The following ARHGAP42 variants were observed in gnomAD, a reference collection of about 807,000 sequenced individuals.
ARHGAP42 encodes Rho GTPase activating protein 42.
In ARHGAP42, 63 loss-of-function variants were observed where a neutral mutation model predicts 125.0. The observed-to-expected ratio is 0.50, with a 90% CI of 0.41 to 0.62. ARHGAP42 has a LOEUF of 0.62. ARHGAP42 is among the 20% of genes least tolerant of loss of function. ARHGAP42 has a pLI of 0.00. For synonymous variants in ARHGAP42, 339 were observed against 351.0 expected (o/e 0.97, Z 0.38); for missense variants, 766 against 1,024.2 (o/e 0.75, Z 3.44).
At chr11:100,966,236 G>T (rs1245556574) in intron 17 of ARHGAP42, among the ~76,000 whole-genome samples, 1 of 152,052 alleles carries the variant, frequency 6.6e-6, no homozygotes, top group East Asian at 1.9e-4. Context: ...TAACTTTGCT[G>T]CTAGTTTATT....
Position 100,795,179 on chromosome 11 carries a change from T to C in ARHGAP42, c.312+13T>C, listed in dbSNP as rs1373671339. ...AAGGCGAAGACTGGTAAGTCTGTTCTGTATTTCTTAAGAATATTGCTTTGT... is the reference window on the plus strand; with the variant it reads ...AAGGCGAAGACTGGTAAGTCTGTTCCGTATTTCTTAAGAATATTGCTTTGT... On this transcript the variant is annotated intron_variant, in intron 3 of 23. Coordinates refer to ENST00000298815, the MANE Select transcript of ARHGAP42 (RefSeq NM_152432.4). The C allele has an allele frequency of 4.0e-6, 6 of 1,513,560 alleles. No homozygotes were observed. Among genetic ancestry groups the C allele is most frequent in the Non-Finnish European group, 5.3e-6 (6 of 1,126,190 alleles). 93.8% of individuals were successfully genotyped at this position (1,513,560 alleles called of 1,614,324 possible). A position where few individuals can be genotyped will look rare whatever the true frequency, so the allele number is the denominator to read the frequency against.
chr11:100,853,974 A>G (rs1431608424), intron 3 of ARHGAP42, among the ~76,000 whole-genome samples: 1 of 152,110 alleles, frequency 6.6e-6, no homozygotes, highest in Non-Finnish European at 1.5e-5. Context: ...TTAATGGGCA[A>G]TTAATGCTTT....
chr11:100,837,007 A>T (rs1206602458), intron 3 of ARHGAP42, among the ~76,000 whole-genome samples: 1 of 152,054 alleles, frequency 6.6e-6, no homozygotes, highest in African/African-American at 2.4e-5. Context: ...CAGGTTCAAG[A>T]TTGTAAATTT....
At chr11:100,729,729 G>T (rs542503297) in intron 1 of ARHGAP42, among the ~76,000 whole-genome samples, 109 of 151,824 alleles carry the variant, frequency 7.2e-4, no homozygotes, top group African/African-American at 2.6e-3. Flanking sequence ...GAATATAATA[G>T]AATCTCTTTT....
At chr11:100,811,423 A>T (rs1430907321) in intron 3 of ARHGAP42, among the ~76,000 whole-genome samples, 1 of 152,196 alleles carries the variant, frequency 6.6e-6, no homozygotes, top group Non-Finnish European at 1.5e-5. Context: ...AAATCACGGA[A>T]GTAGAATGTG....
chr11:100,859,492 T>G, intron 3 of ARHGAP42, 62 bp from the exon 4 acceptor site: 2 of 1,412,370 alleles, frequency 1.4e-6, no homozygotes, highest in Non-Finnish European at 9.6e-7. Flanking sequence ...AAGTAGCCAT[T>G]TTTTCAATGT....
intron 1 of ARHGAP42, among the ~76,000 whole-genome samples, chr11:100,714,419 GTGTATT>G (rs1434640472): frequency 2.2e-4 from 31 of 138,754 alleles, no homozygotes; most frequent in Admixed American, 6.5e-4. Context: ...GTGTGTGTGT[GTGTATT>G]TGAGATACTT....
chr11:100,840,123 A>C (rs1429816095), intron 3 of ARHGAP42, among the ~76,000 whole-genome samples: 1 of 152,228 alleles, frequency 6.6e-6, no homozygotes, highest in African/African-American at 2.4e-5. Flanking sequence ...AACTCTTGAA[A>C]GAATGTATTG....
chr11:100,780,534 C>A (rs1367821511), intron 2 of ARHGAP42, among the ~76,000 whole-genome samples: 4 of 152,176 alleles, frequency 2.6e-5, no homozygotes, highest in African/African-American at 9.7e-5. Flanking sequence ...CACCCAGGAT[C>A]CACTCTATGA....
At chr11:100,921,979 G>C (rs970362798) in intron 6 of ARHGAP42, among the ~76,000 whole-genome samples, 1 of 151,280 alleles carries the variant, frequency 6.6e-6, no homozygotes, top group African/African-American at 2.4e-5. Flanking sequence ...TGGCGGGAGG[G>C]GGGTGCAGAG....
Position 100,918,799 on chromosome 11 carries a change from T to C in ARHGAP42, c.487-2695T>C, listed in dbSNP as rs150505221. ...CCGCATTGGAGGCTATGAAAACACC[T>C]ATAAGTGGCAAGCAGCAAGAGTCAT... On this transcript the variant is annotated intron_variant, in intron 5 of 23. Coordinates refer to ENST00000298815, the MANE Select transcript of ARHGAP42 (RefSeq NM_152432.4). Among the ~76,000 whole-genome samples, 7 of 152,302 alleles carry C rather than the reference T, an allele frequency of 4.6e-5. No individual in the cohort carries two copies. In the East Asian group the frequency reaches 1.4e-3, roughly 29 times the overall value.
At chr11:100,844,839 T>C (rs552671126) in intron 3 of ARHGAP42, among the ~76,000 whole-genome samples, 1 of 152,260 alleles carries the variant, frequency 6.6e-6, no homozygotes, top group East Asian at 1.9e-4. Flanking sequence ...ACACTGCTGG[T>C]GGGGATGTAA....
At chr11:100,717,465 G>T (rs560013733) in intron 1 of ARHGAP42, among the ~76,000 whole-genome samples, 3 of 151,706 alleles carry the variant, frequency 2.0e-5, no homozygotes, top group African/African-American at 7.3e-5. Flanking sequence ...GTGAAACCCC[G>T]TCTCTACTAA....
intron 1 of ARHGAP42, among the ~76,000 whole-genome samples, chr11:100,694,419 G>T (rs1861240804): frequency 6.6e-6 from 1 of 151,920 alleles, no homozygotes; most frequent in South Asian, 2.1e-4. Flanking sequence ...GAAGGAAAGG[G>T]GGGTTATTTA....
In ARHGAP42 at chr11:100,687,568, G is replaced by T. The variant is rs1861105112; in HGVS notation, c.-111G>T. The T allele has an allele frequency of 5.7e-6, 5 of 869,582 alleles. No individual in the cohort carries two copies. Among genetic ancestry groups the T allele is most frequent in the Non-Finnish European group, 7.3e-6 (5 of 682,848 alleles). 53.9% of individuals were successfully genotyped at this position (869,582 alleles called of 1,614,324 possible). On this transcript the variant is annotated 5_prime_UTR_variant, in exon 1 of 24. Coordinates refer to ENST00000298815, the MANE Select transcript of ARHGAP42 (RefSeq NM_152432.4). ...CGCGCAATCAGTCCCCTCGCGTCCC[G>T]GCGCCTTCCCCGCGATCGCGCGACC...
chr11:100,751,905 G>A (rs182853490), intron 1 of ARHGAP42, among the ~76,000 whole-genome samples: 164 of 147,332 alleles, frequency 1.1e-3, no homozygotes, highest in African/African-American at 3.8e-3. Context: ...TCACCCTCCC[G>A]AGTAGCTGGG....
chr11:100,818,504 A>T (rs1292587351), intron 3 of ARHGAP42, among the ~76,000 whole-genome samples: 1 of 152,196 alleles, frequency 6.6e-6, no homozygotes, highest in Non-Finnish European at 1.5e-5. Flanking sequence ...AGCCTCTGCT[A>T]TCAGCTCTGA....
intron 13 of ARHGAP42, among the ~76,000 whole-genome samples, chr11:100,960,467 A>G (rs949811000): frequency 3.9e-5 from 6 of 152,144 alleles, no homozygotes; most frequent in African/African-American, 1.4e-4. Flanking sequence ...ATAAACTTAT[A>G]TTTAAATTTT....
intron 9 of ARHGAP42, 68 bp from the exon 10 acceptor site, chr11:100,943,691 C>A: frequency 1.8e-6 from 2 of 1,085,560 alleles, no homozygotes; most frequent in Non-Finnish European, 1.3e-6. Context: ...GCAACTTGAG[C>A]TCACATATTT....
Sources: gnomAD v4.1 joint callset for allele counts (sites outside exome capture counted in the v4.1 genomes callset) on GRCh38, gnomAD v4.1.1 for gene constraint, MANE v1.5 for transcripts, NCBI Gene and HGNC (gene_info 2026-07-23, HGNC 2026-07-21) for gene names.